Variants in PPP1R12C observed in about 807,000 individuals in gnomAD.
PPP1R12C encodes protein phosphatase 1 regulatory subunit 12C, also known as leukocyte receptor cluster (LRC) encoded novel gene 3.
In PPP1R12C, 48 loss-of-function variants were observed where a neutral mutation model predicts 95.6. That is an observed-to-expected ratio of 0.50 (90% confidence interval 0.40 to 0.64). PPP1R12C has a LOEUF of 0.64. Among genes scored for constraint, PPP1R12C ranks in the 30% least tolerant of loss-of-function variants. The pLI is 0.00. For missense variants in PPP1R12C, 1,057 were observed against 1,083.3 expected (o/e 0.98, Z 0.34); for synonymous variants, 480 against 460.8 (o/e 1.04, Z -0.53).
chr19:55,091,959 C>T, intron 19 of PPP1R12C, 50 bp from the exon 20 acceptor site: 5 of 1,603,986 alleles, frequency 3.1e-6, no homozygotes, highest in South Asian at 1.1e-5. Flanking sequence ...GCCAGCACTG[C>T]TCTGAAGGGT....
intron 16 of PPP1R12C, 39 bp from the exon 17 acceptor site, chr19:55,092,701 G>A (rs777734765): frequency 8.5e-5 from 129 of 1,526,470 alleles, no homozygotes; most frequent in Middle Eastern, 5.2e-4. Context: ...GGTATGGGAG[G>A]GACTTTAGCG....
intron 3 of PPP1R12C, 91 bp downstream of exon 3, chr19:55,112,376 C>T: frequency 8.5e-7 from 1 of 1,171,446 alleles, no homozygotes; most frequent in Non-Finnish European, 1.2e-6. Context: ...CAGGGTCAGC[C>T]TCGGTGCCCA....
In PPP1R12C at chr19:55,091,925, A is replaced by T. The variant is rs1337004504; in HGVS notation, c.2161-16T>A. On this transcript the variant is annotated splice_polypyrimidine_tract_variant and intron_variant, in intron 19 of 21. Coordinates refer to ENST00000263433, the MANE Select transcript of PPP1R12C (RefSeq NM_017607.4). The stretch of plus-strand genomic sequence containing the variant: ...GTTCTTGCCTCTGGTGAGGACACAG[A>T]AAGCACAGGGGTCAGCAGAAGAAGC... The T allele has an allele frequency of 6.2e-7, 1 of 1,612,922 alleles. No individual in the cohort carries two copies. The highest frequency in any genetic ancestry group is 1.7e-5 in the Admixed American group (1 of 60,020).
At position 55,092,665 on chromosome 19, in the gene PPP1R12C, G is replaced by A. The variant is rs1250240237; in HGVS notation, c.1912-3C>T. On this transcript the variant is annotated splice_polypyrimidine_tract_variant and splice_region_variant and intron_variant, in intron 16 of 21. Coordinates refer to ENST00000263433, the MANE Select transcript of PPP1R12C (RefSeq NM_017607.4). ...TCAGCCGGCTCCGCCTCCTCCCCCT[G>A]TGGGCAGGTAGACGGGGGTTCAATG... The A allele has an allele frequency of 2.0e-6, 3 of 1,531,852 alleles. No homozygotes were observed. The highest frequency in any genetic ancestry group is 1.3e-5 in the South Asian group (1 of 77,918). 94.9% of individuals were successfully genotyped at this position (1,531,852 alleles called of 1,614,324 possible). A position where few individuals can be genotyped will look rare whatever the true frequency, so the allele number is the denominator to read the frequency against.
Position 55,111,185 on chromosome 19 carries a change from G to A in PPP1R12C, c.571+1282C>T, listed in dbSNP as rs897975925. Reference sequence around the variant, plus strand: ...GCATGGTTGGGGGTGATGGCTAAGCGGTTGCAGGGTTTCGTTGGGGGATGA... The same window carrying A: ...GCATGGTTGGGGGTGATGGCTAAGCAGTTGCAGGGTTTCGTTGGGGGATGA... On this transcript the variant is annotated intron_variant, in intron 3 of 21. Coordinates refer to ENST00000263433, the MANE Select transcript of PPP1R12C (RefSeq NM_017607.4). Among the ~76,000 whole-genome samples, 6 of 151,160 alleles carry A rather than the reference G, an allele frequency of 4.0e-5. No homozygotes were observed. The East Asian group carries it at 9.8e-4, about 25-fold the overall frequency.
chr19:55,105,292 G>A (rs1440469716), intron 3 of PPP1R12C, among the ~76,000 whole-genome samples: 1 of 152,150 alleles, frequency 6.6e-6, no homozygotes, highest in African/African-American at 2.4e-5. Context: ...TCAGGGAGGG[G>A]AAGGGAGGGT....
intron 1 of PPP1R12C, chr19:55,113,613 A>G: frequency 7.8e-7 from 1 of 1,285,888 alleles, no homozygotes; most frequent in South Asian, 2.4e-5. Context: ...GAGCTGAGGA[A>G]GGAGTGAAGC....
At chr19:55,114,547 C>T (rs1426984548) in intron 1 of PPP1R12C, 1 of 152,306 alleles carries the variant, frequency 6.6e-6, no homozygotes, top group Non-Finnish European at 1.5e-5. Context: ...GACCAACCAT[C>T]CCTGTTTTCC....
chr19:55,092,955 G>A lies in PPP1R12C; in HGVS notation c.1825+61C>T, dbSNP rs2084864395. 6 of 1,573,890 alleles carry A rather than the reference G, an allele frequency of 3.8e-6. No homozygotes were observed. In the South Asian group the frequency reaches 6.9e-5, roughly 18 times the overall value. On this transcript the variant is annotated intron_variant, in intron 15 of 21. Transcript: ENST00000263433. The stretch of plus-strand genomic sequence containing the variant: ...CCGGGTCAAGCCCCCAGGAAAGCAA[G>A]AAGACTATGGGAGAAACTGGATGAT...
At chr19:55,095,057 G>A (rs2084894232) in intron 11 of PPP1R12C, 9 of 676,326 alleles carry the variant, frequency 1.3e-5, no homozygotes, top group South Asian at 1.3e-4. Flanking sequence ...CGCCGTGGTG[G>A]CAGCAGGGTG....
intron 18 of PPP1R12C, 55 bp from the exon 19 acceptor site, chr19:55,092,381 G>A (rs2084854087): frequency 2.6e-6 from 4 of 1,567,434 alleles, no homozygotes; most frequent in Non-Finnish European, 3.5e-6. Flanking sequence ...CTGGGGGGGC[G>A]GGGAAGCCAG....
Position 55,096,096 on chromosome 19 carries a change from C to T in PPP1R12C, c.1108G>A (p.Gly370Arg), listed in dbSNP as rs756031415. The change falls in exon 8 of 22, where the codon GGG becomes AGG. Residue 370 changes from glycine to arginine, a missense_variant. Around this residue, in one of 5 missense-constraint regions of PPP1R12C, gnomAD observed 356 missense variants for 330.5 expected, o/e 1.08. Coordinates refer to ENST00000263433, the MANE Select transcript of PPP1R12C (RefSeq NM_017607.4). ...SKERRPGGAG[G>R]PPIQDEDEGE... ...TCATCCTCGTCCTGGATGGGGGGCC[C>T]CCCAGCCCCACCAGGCCGGCGCTCC... The T allele has an allele frequency of 5.6e-6, 9 of 1,601,070 alleles. No homozygotes were observed. Among genetic ancestry groups the T allele is most frequent in the African/African-American group, 4.0e-5 (3 of 74,176 alleles).
chr19:55,111,734 A>G (rs2085097980), intron 3 of PPP1R12C: 1 of 152,062 alleles, frequency 6.6e-6, no homozygotes, highest in South Asian at 2.1e-4. Context: ...GTCTGCCGGG[A>G]ACCATGCTCA....
intron 1 of PPP1R12C, chr19:55,114,897 A>C: frequency 6.7e-6 from 1 of 150,264 alleles, no homozygotes; most frequent in Non-Finnish European, 1.5e-5. Flanking sequence ...ATGCAGGGGA[A>C]CGGGGATGCA....
intron 6 of PPP1R12C, among the ~76,000 whole-genome samples, chr19:55,097,300 CCA>C (rs1355206663): frequency 2.0e-4 from 20 of 101,568 alleles, no homozygotes; most frequent in Middle Eastern, 8.3e-3. Flanking sequence ...CACCCCTTCC[CCA>C]CGCAGTTCAC....
chr19:55,091,235 C>A lies in PPP1R12C; in HGVS notation c.*237G>T. On this transcript the variant is annotated 3_prime_UTR_variant, in exon 22 of 22. Transcript: ENST00000263433. ...AGTTCCTTCCTGGTCCCGTCTCTGG[C>A]CCTGGTCCCCTCTGGCAACGTCCCC... The A allele has an allele frequency of 1.7e-6, 1 of 574,240 alleles. No individual in the cohort carries two copies. The highest frequency in any genetic ancestry group is 2.0e-5 in the South Asian group (1 of 49,450). 35.6% of individuals were successfully genotyped at this position (574,240 alleles called of 1,614,324 possible).
intron 3 of PPP1R12C, 114 bp from the exon 4 acceptor site, chr19:55,103,682 CT>C: frequency 2.0e-6 from 2 of 1,022,136 alleles, no homozygotes; most frequent in Non-Finnish European, 2.7e-6. Context: ...GCTCTTCCCC[CT>C]GCTCCCCTCT....
At chr19:55,115,604 C>T (rs952034062) in intron 1 of PPP1R12C, 16 of 151,780 alleles carry the variant, frequency 1.1e-4, no homozygotes, top group Admixed American at 8.5e-4. Context: ...GTAAGCAAAC[C>T]TTAGAGGTTC....
At position 55,091,674 on chromosome 19, in the gene PPP1R12C, G is replaced by A. The variant is rs771965841; in HGVS notation, c.2238C>T (p.Ala746=). ...RFERRALERK[A]AELEEELKAL... is the part of the protein sequence containing the mutation. ...CCTTCAGCTCCTCCTCCAGCTCTGC[G>A]GCCTTGCGTTCCAGGGCCCTGCGCT... The change falls in exon 21 of 22, where the codon GCC becomes GCT. Residue 746 remains alanine, a synonymous_variant. Transcript: ENST00000263433. 71 of 1,612,382 alleles carry A rather than the reference G, an allele frequency of 4.4e-5. No individual in the cohort carries two copies. Among genetic ancestry groups the A allele is most frequent in the Non-Finnish European group, 5.5e-5 (65 of 1,179,660 alleles).
Sources: allele counts gnomAD v4.1 joint callset (sites outside exome capture counted in the v4.1 genomes callset), GRCh38; gene constraint gnomAD v4.1.1; regional missense constraint gnomAD v4.1.1; transcripts MANE v1.5; gene names NCBI Gene and HGNC (gene_info 2026-07-23, HGNC 2026-07-21).